ADGRL2: variants seen among roughly 807,000 people sequenced by gnomAD.
ADGRL2 encodes adhesion G protein-coupled receptor L2.
In ADGRL2, 44 loss-of-function variants were observed where a neutral mutation model predicts 157.4. The observed-to-expected ratio is 0.28, with a 90% CI of 0.22 to 0.36. ADGRL2 has a LOEUF of 0.36. Ranked by LOEUF, ADGRL2 falls within the 10% of genes least tolerant of loss-of-function variation. The pLI is 1.00. For synonymous variants in ADGRL2, 585 were observed against 624.7 expected (o/e 0.94, Z 0.95); for missense variants, 1,510 against 1,768.9 (o/e 0.85, Z 2.63).
intron 1 of ADGRL2, among the ~76,000 whole-genome samples, chr1:81,759,786 T>C (rs2085810497): frequency 1.3e-5 from 2 of 152,172 alleles, no homozygotes; most frequent in South Asian, 4.1e-4. Context: ...GATTTTGCTT[T>C]ATCTTTATTT....
intron 2 of ADGRL2, among the ~76,000 whole-genome samples, chr1:81,870,164 TTATTA>T (rs1392965642): frequency 2.0e-5 from 3 of 151,774 alleles, no homozygotes; most frequent in Non-Finnish European, 4.4e-5. Flanking sequence ...TGTCATTATT[TTATTA>T]TAATTTTTTG....
rs530171535 is a variant in ADGRL2 at position 81,747,926 on chromosome 1, G to C, written c.-142-13885G>C. On this transcript the variant is annotated intron_variant, in intron 1 of 20. Transcript: ENST00000359929. ...GAAGACTAGGTGTAAGAAAGTAGGA[G>C]TAGCTTGCCCAAAATTATATAACAA... 2.6e-5 allele frequency among the ~76,000 whole-genome samples: 4 copies of C among 152,178 alleles called. No individual in the cohort carries two copies. The South Asian group carries it at 8.3e-4, about 32-fold the overall frequency.
At chr1:81,345,568 T>C (rs947184470) in intron 1 of ADGRL2, among the ~76,000 whole-genome samples, 2 of 152,114 alleles carry the variant, frequency 1.3e-5, no homozygotes, top group Non-Finnish European at 2.9e-5. Flanking sequence ...AATATTAAAA[T>C]AAAAAATACA....
At chr1:81,835,685 A>G (rs879643686) in intron 1 of ADGRL2, among the ~76,000 whole-genome samples, 1 of 151,960 alleles carries the variant, frequency 6.6e-6, no homozygotes, top group Non-Finnish European at 1.5e-5. Flanking sequence ...CATAATACTG[A>G]TGTTGGTGAT....
At chr1:81,732,019 T>A (rs2084742891) in intron 1 of ADGRL2, among the ~76,000 whole-genome samples, 1 of 152,208 alleles carries the variant, frequency 6.6e-6, no homozygotes, top group African/African-American at 2.4e-5. Flanking sequence ...TCCCTGTCCC[T>A]TTTTCTTTTC....
intron 1 of ADGRL2, among the ~76,000 whole-genome samples, chr1:81,416,853 TAAG>T (rs1226456776): frequency 2.0e-5 from 3 of 152,194 alleles, no homozygotes; most frequent in Non-Finnish European, 4.4e-5. Context: ...TGTCCATTCT[TAAG>T]AAGCATCTTT....
chr1:81,463,229 C>T (rs982183949), intron 2 of ADGRL2, among the ~76,000 whole-genome samples: 1 of 151,576 alleles, frequency 6.6e-6, no homozygotes, highest in African/African-American at 2.4e-5. Context: ...GAGTTGGTGT[C>T]AGACAGATGT....
At chr1:81,502,032 G>C in intron 2 of ADGRL2, 2 of 1,602,666 alleles carry the variant, frequency 1.2e-6, no homozygotes, top group Non-Finnish European at 1.7e-6. Flanking sequence ...GTGTTTGAAC[G>C]GGGCAACATG....
Position 81,408,269 on chromosome 1 carries a change from CA to C in ADGRL2, c.-301-36762del, listed in dbSNP as rs532559307. 3.2e-3 allele frequency among the ~76,000 whole-genome samples: 485 copies of C among 152,176 alleles called. 1 individual carries two copies. The highest frequency in any genetic ancestry group is 0.011 in the African/African-American group (446 of 41,520). ...AATTTTTCATTTTGTGAAATTACAGCAAAAACATAAGCAATCTCTCCTAGAT... is the reference window on the plus strand; with the variant it reads ...AATTTTTCATTTTGTGAAATTACAGCAAAACATAAGCAATCTCTCCTAGAT... On this transcript the variant is annotated intron_variant, in intron 1 of 24. Coordinates refer to the ADGRL2 transcript ENST00000370721.
At position 81,650,449 on chromosome 1, in the gene ADGRL2, G is replaced by A. The variant is rs567663708; in HGVS notation, c.-143+69469G>A. 4.0e-5 allele frequency among the ~76,000 whole-genome samples: 6 copies of A among 151,014 alleles called. No individual in the cohort carries two copies. In the East Asian group the frequency reaches 7.8e-4, roughly 20 times the overall value. On this transcript the variant is annotated intron_variant, in intron 3 of 24. Coordinates refer to the ADGRL2 transcript ENST00000370721. ...AAATTAGCTGGGCATGGTGGCACAC[G>A]CCCATAATTCCAGCTACTCGGGAGG...
intron 1 of ADGRL2, among the ~76,000 whole-genome samples, chr1:81,374,633 C>T (rs12129198): frequency 0.076 from 11,360 of 150,180 alleles, 550 homozygotes; most frequent in Middle Eastern, 0.15. Flanking sequence ...AGGGCAAGTC[C>T]GCCTAGCTAA....
chr1:81,423,954 T>C (rs4233111), intron 1 of ADGRL2, among the ~76,000 whole-genome samples: 104,259 of 152,132 alleles, frequency 0.69, 36,450 homozygotes, highest in Non-Finnish European at 0.73. Context: ...AATCTACCAA[T>C]GTATCAGGCT....
At chr1:81,653,748 G>A (rs2082472245) in intron 3 of ADGRL2, among the ~76,000 whole-genome samples, 1 of 151,852 alleles carries the variant, frequency 6.6e-6, no homozygotes, top group African/African-American at 2.4e-5. Flanking sequence ...TAATCAATAG[G>A]GATGTTCTGA....
intron 3 of ADGRL2, among the ~76,000 whole-genome samples, chr1:81,606,335 C>T (rs548397175): frequency 6.6e-6 from 1 of 152,294 alleles, no homozygotes; most frequent in South Asian, 2.1e-4. Flanking sequence ...TTCTGTAATG[C>T]ATAGCCAAAT....
chr1:81,417,033 A>C (rs1381382621), intron 1 of ADGRL2, among the ~76,000 whole-genome samples: 2 of 152,206 alleles, frequency 1.3e-5, no homozygotes, highest in Non-Finnish European at 2.9e-5. Context: ...TTAAAATTTA[A>C]AGAAAATTTT....
At chr1:81,431,636 T>G (rs1284548911) in intron 1 of ADGRL2, among the ~76,000 whole-genome samples, 1 of 152,134 alleles carries the variant, frequency 6.6e-6, no homozygotes, top group African/African-American at 2.4e-5. Flanking sequence ...GAAATAGAAT[T>G]TTATTTGGTG....
chr1:81,357,803 CT>C (rs1167722439), intron 1 of ADGRL2, among the ~76,000 whole-genome samples: 4 of 152,136 alleles, frequency 2.6e-5, no homozygotes, highest in African/African-American at 9.7e-5. Context: ...TCTCCTGGCT[CT>C]AATGTGCATG....
At chr1:81,407,331 C>T (rs1482276265) in intron 1 of ADGRL2, among the ~76,000 whole-genome samples, 2 of 152,194 alleles carry the variant, frequency 1.3e-5, no homozygotes, top group East Asian at 3.9e-4. Context: ...TCTCCCTTCA[C>T]CCCCTCCCGC....
intron 1 of ADGRL2, among the ~76,000 whole-genome samples, chr1:81,390,310 G>T (rs1449638564): frequency 3.9e-5 from 6 of 152,286 alleles, no homozygotes; most frequent in Admixed American, 2.6e-4. Context: ...TATGAAAACT[G>T]TGTAAGACTG....
Sources: allele counts gnomAD v4.1 joint callset (sites outside exome capture counted in the v4.1 genomes callset), GRCh38; gene constraint gnomAD v4.1.1; transcripts MANE v1.5; gene names NCBI Gene and HGNC (gene_info 2026-07-23, HGNC 2026-07-21).